Variants in CDK5RAP2 observed in about 807,000 individuals in gnomAD.
The protein encoded by CDK5RAP2 is CDK5 regulatory subunit associated protein 2.
Under a neutral mutation model 232.9 loss-of-function variants are expected in CDK5RAP2, and 147 were observed. The observed-to-expected ratio is 0.63, with a 90% CI of 0.55 to 0.72. CDK5RAP2 has a LOEUF of 0.72. Among genes scored for constraint, CDK5RAP2 ranks in the 30% least tolerant of loss-of-function variants. The pLI is 0.00. For missense variants in CDK5RAP2, 2,195 were observed against 2,231.5 expected, an observed-to-expected ratio of 0.98 and a Z score of 0.33; for synonymous variants, 833 against 833.7, an observed-to-expected ratio of 1.00 and a Z score of 0.01.
intron 12 of CDK5RAP2, among the ~76,000 whole-genome samples, chr9:120,504,625 C>T (rs778925267): frequency 1.1e-4 from 16 of 152,188 alleles, no homozygotes; most frequent in Non-Finnish European, 1.9e-4. Flanking sequence ...GACCTCTGAT[C>T]ATTACGTCTC....
chr9:120,503,299 C>G (rs1009857958), intron 12 of CDK5RAP2, among the ~76,000 whole-genome samples: 5 of 152,192 alleles, frequency 3.3e-5, no homozygotes, highest in African/African-American at 1.2e-4. Flanking sequence ...CCTTCAACCT[C>G]ATATGAAGAG....
chr9:120,485,662 T>A (rs1320907235), intron 14 of CDK5RAP2, among the ~76,000 whole-genome samples: 4 of 152,206 alleles, frequency 2.6e-5, no homozygotes, highest in African/African-American at 9.6e-5. Context: ...TATTTCCAAC[T>A]AAAATAACCT....
rs1040742846 is a variant in CDK5RAP2, at chr9:120,403,859, G to A, written c.5041+177C>T. On this transcript the variant is annotated intron_variant, in intron 33 of 37. Transcript: ENST00000349780. This position sits in a 1 kb window ranked among gnomAD's most constrained non-coding sequence, Gnocchi z 4.2. Reference sequence around the variant, plus strand: ...GTTCTAACCTTGGTAACACCTAGGAGTGGATTAACTGGCTTGAAGGAGAAG... The same window carrying A: ...GTTCTAACCTTGGTAACACCTAGGAATGGATTAACTGGCTTGAAGGAGAAG... Among the ~76,000 whole-genome samples, 1 of 152,230 alleles carries A rather than the reference G, an allele frequency of 6.6e-6. No individual in the cohort carries two copies. Among genetic ancestry groups the A allele is most frequent in the African/African-American group, 2.4e-5 (1 of 41,450 alleles).
Position 120,409,177 on chromosome 9 carries a change from G to C in CDK5RAP2, c.4554C>G (p.His1518Gln), listed in dbSNP as rs1393037639. Residue 1518 changes from histidine to glutamine, a missense_variant, in exon 30 of 38, where the codon CAC becomes CAG. Physicochemically the swap from His to Gln is conservative, Grantham distance 24. Transcript: ENST00000349780. ...GGACCTCCTGGATCAGCTGCTGGTT[G>C]TGTCTCTCCTTCTCGCTGCCTTCTT... ...LQKEGSEKER[H>Q]NQQLIQEVRC... 1 of 1,613,536 alleles carries C rather than the reference G, an allele frequency of 6.2e-7. No individual in the cohort carries two copies. The highest frequency in any genetic ancestry group is 2.2e-5 in the East Asian group (1 of 44,890).
rs566645208 is a variant in CDK5RAP2 at position 120,395,664 on chromosome 9, T to C, written c.5452-1026A>G. ...GAGTTGTCAGCTCACGAAGAGTCACTTTAGTTTGTTCCCAAACTTGTTTAT... is the reference window on the plus strand; with the variant it reads ...GAGTTGTCAGCTCACGAAGAGTCACCTTAGTTTGTTCCCAAACTTGTTTAT... On this transcript the variant is annotated intron_variant, in intron 35 of 37. Coordinates refer to ENST00000349780, the MANE Select transcript of CDK5RAP2 (RefSeq NM_018249.6). Among the ~76,000 whole-genome samples the C allele has an allele frequency of 2.1e-3, 320 of 152,386 alleles. 1 individual carries two copies. Among genetic ancestry groups the C allele is most frequent in the African/African-American group, 7.3e-3 (305 of 41,594 alleles).
intron 19 of CDK5RAP2, 95 bp downstream of exon 19, chr9:120,460,477 G>C (rs907846382): frequency 3.5e-6 from 4 of 1,132,710 alleles, no homozygotes; most frequent in African/African-American, 1.5e-5. Flanking sequence ...TAGGCAGAAT[G>C]AACAGAAAAC....
At chr9:120,559,746 T>C (rs2132119104) in intron 3 of CDK5RAP2, among the ~76,000 whole-genome samples, 1 of 152,218 alleles carries the variant, frequency 6.6e-6, no homozygotes, top group African/African-American at 2.4e-5. Flanking sequence ...CATGTGTTAC[T>C]GTGGAAGTGC....
intron 30 of CDK5RAP2, 79 bp downstream of exon 30, chr9:120,409,048 C>T (rs566552657): frequency 3.5e-5 from 48 of 1,358,116 alleles, no homozygotes; most frequent in African/African-American, 2.8e-4. Context: ...CAGAGGCCTG[C>T]GTGCTGATTC....
At chr9:120,405,106 G>A (rs1383061643) in intron 32 of CDK5RAP2, among the ~76,000 whole-genome samples, 1 of 152,172 alleles carries the variant, frequency 6.6e-6, no homozygotes, top group Admixed American at 6.5e-5. Context: ...CATTTCCCAG[G>A]GGTGTGCTAC....
At chr9:120,529,841 T>C (rs1319257588) in intron 8 of CDK5RAP2, 137 bp downstream of exon 8, 1 of 828,510 alleles carries the variant, frequency 1.2e-6, no homozygotes, top group South Asian at 1.4e-5. Flanking sequence ...CAGTTTCTGC[T>C]CACTCCTCAG....
At chr9:120,461,568 C>T (rs578156485) in intron 18 of CDK5RAP2, among the ~76,000 whole-genome samples, 2 of 152,260 alleles carry the variant, frequency 1.3e-5, no homozygotes, top group African/African-American at 4.8e-5. Context: ...TGGCCAGGTG[C>T]GGTGGCTCAC....
intron 36 of CDK5RAP2, 41 bp from the exon 37 acceptor site, chr9:120,389,828 T>C: frequency 6.3e-7 from 1 of 1,590,306 alleles, no homozygotes; most frequent in African/African-American, 1.3e-5. Context: ...GGGCCATGGA[T>C]ATCCAGGAGA....
intron 10 of CDK5RAP2, among the ~76,000 whole-genome samples, chr9:120,527,441 T>C (rs1396816897): frequency 2.0e-5 from 3 of 151,550 alleles, no homozygotes; most frequent in Non-Finnish European, 4.4e-5. Context: ...TTCAAATGCT[T>C]AGTTCTGAAA....
chr9:120,504,750 C>G (rs186610769), intron 12 of CDK5RAP2, among the ~76,000 whole-genome samples: 266 of 152,310 alleles, frequency 1.7e-3, no homozygotes, highest in Non-Finnish European at 2.9e-3. Context: ...TTATCTGCAA[C>G]CAGTCCCCTT....
At chr9:120,557,290 T>C (rs1024199533) in intron 3 of CDK5RAP2, among the ~76,000 whole-genome samples, 1 of 152,190 alleles carries the variant, frequency 6.6e-6, no homozygotes, top group Non-Finnish European at 1.5e-5. Flanking sequence ...CTTCTTCATG[T>C]TTCCACACAC....
chr9:120,502,927 C>A (rs1397760531), intron 12 of CDK5RAP2, among the ~76,000 whole-genome samples: 1 of 152,194 alleles, frequency 6.6e-6, no homozygotes, highest in Non-Finnish European at 1.5e-5. Context: ...CATTTTTACA[C>A]AAAACATCTC....
At chr9:120,503,734 A>C (rs901569899) in intron 12 of CDK5RAP2, among the ~76,000 whole-genome samples, 4 of 152,152 alleles carry the variant, frequency 2.6e-5, no homozygotes, top group Admixed American at 6.5e-5. Flanking sequence ...ATGGGAGCCC[A>C]GCACAGAAGC....
intron 12 of CDK5RAP2, among the ~76,000 whole-genome samples, chr9:120,507,362 G>A (rs995388651): frequency 1.2e-4 from 19 of 152,110 alleles, no homozygotes; most frequent in African/African-American, 4.3e-4. Flanking sequence ...GAAAACTGAA[G>A]TTCAAAGACT....
At chr9:120,505,343 C>T (rs570356855) in intron 12 of CDK5RAP2, among the ~76,000 whole-genome samples, 2 of 152,148 alleles carry the variant, frequency 1.3e-5, no homozygotes. Flanking sequence ...GCAAACTTAA[C>T]GGATAAAAGT....
Sources: allele counts gnomAD v4.1 joint callset (sites outside exome capture counted in the v4.1 genomes callset), GRCh38; gene constraint gnomAD v4.1.1; non-coding constraint Gnocchi (gnomAD v3.1); transcripts MANE v1.5; gene names NCBI Gene and HGNC (gene_info 2026-07-23, HGNC 2026-07-21).